Variants in PTPRT observed in about 807,000 individuals in gnomAD.
The protein encoded by PTPRT is protein tyrosine phosphatase receptor type T, also known as receptor-type tyrosine-protein phosphatase T.
Under a neutral mutation model 176.8 loss-of-function variants are expected in PTPRT, and 56 were observed. That is an observed-to-expected ratio of 0.32 (90% CI 0.26 to 0.40). The LOEUF is 0.40. Among genes scored for constraint, PTPRT ranks in the 10% least tolerant of loss-of-function variants. The pLI is 1.00. For synonymous variants in PTPRT, 783 were observed against 739.0 expected (o/e 1.06, Z -0.96); for missense variants, 1,540 against 1,908.2 (o/e 0.81, Z 3.60).
chr20:43,063,089 G>T (rs951163804), intron 1 of PTPRT, among the ~76,000 whole-genome samples: 1 of 152,034 alleles, frequency 6.6e-6, no homozygotes, highest in African/African-American at 2.4e-5. Context: ...CAAAGCTCAA[G>T]CAAAGGTGAA....
chr20:42,709,136 C>T (rs746947430), intron 6 of PTPRT, among the ~76,000 whole-genome samples: 19 of 152,218 alleles, frequency 1.2e-4, no homozygotes, highest in South Asian at 2.1e-4. Context: ...TAAGGTCCTT[C>T]GGGACAGAAA....
intron 2 of PTPRT, among the ~76,000 whole-genome samples, chr20:42,865,037 C>T (rs1317953034): frequency 2.6e-5 from 4 of 152,206 alleles, no homozygotes; most frequent in Non-Finnish European, 5.9e-5. Context: ...GCCTGCCAGG[C>T]CCCATCTGCT....
chr20:42,885,746 C>A, intron 2 of PTPRT, 61 bp downstream of exon 2: 2 of 1,560,052 alleles, frequency 1.3e-6, no homozygotes, highest in South Asian at 1.1e-5. Context: ...TTCTTCCCCC[C>A]ATGATTCACG....
At chr20:42,258,109 C>T (rs772566065) in intron 13 of PTPRT, among the ~76,000 whole-genome samples, 3 of 152,094 alleles carry the variant, frequency 2.0e-5, no homozygotes, top group African/African-American at 4.8e-5. Context: ...GAAGCAGACA[C>T]GTATTTAGAT....
At chr20:42,750,667 T>C (rs935258963) in intron 6 of PTPRT, among the ~76,000 whole-genome samples, 1 of 152,174 alleles carries the variant, frequency 6.6e-6, no homozygotes, top group African/African-American at 2.4e-5. Flanking sequence ...GGTTGTTAAA[T>C]GGAGTTGAAA....
intron 30 of PTPRT, among the ~76,000 whole-genome samples, 173 bp downstream of exon 30, chr20:42,081,709 G>C (rs1983346453): frequency 6.6e-6 from 1 of 152,210 alleles, no homozygotes; most frequent in Admixed American, 6.5e-5. Context: ...GAAAAGTTGG[G>C]GAGGTTGGAA....
At chr20:42,969,724 T>G (rs558365848) in intron 1 of PTPRT, 1 of 152,322 alleles carries the variant, frequency 6.6e-6, no homozygotes, top group East Asian at 1.9e-4. Flanking sequence ...CATTGACTAA[T>G]AGTTTTTTCT....
At chr20:42,379,508 C>T (rs567107189) in intron 9 of PTPRT, among the ~76,000 whole-genome samples, 1 of 152,338 alleles carries the variant, frequency 6.6e-6, no homozygotes, top group African/African-American at 2.4e-5. Flanking sequence ...GCATGCTTCC[C>T]AGAGCCTCTC....
chr20:42,727,824 A>G (rs932164577), intron 6 of PTPRT, among the ~76,000 whole-genome samples: 4 of 152,136 alleles, frequency 2.6e-5, no homozygotes, highest in African/African-American at 4.8e-5. Flanking sequence ...TACAAGTCCA[A>G]CGTTCTTAGC....
At chr20:42,043,506 C>G in the PTPRT span, among the ~76,000 whole-genome samples, 2 of 152,168 alleles carry the variant, frequency 1.3e-5, no homozygotes, top group Non-Finnish European at 2.9e-5. Flanking sequence ...GGTGAGTTCT[C>G]CGGTTCTCAC....
At chr20:42,284,926 T>C (rs1353444312) in intron 12 of PTPRT, among the ~76,000 whole-genome samples, 1 of 123,986 alleles carries the variant, frequency 8.1e-6, no homozygotes, top group Non-Finnish European at 1.8e-5. Context: ...TACATTTCAA[T>C]AACAAAGTTT....
In PTPRT at chr20:43,092,359, T is replaced by C. The variant is rs556398245; in HGVS notation, c.88+97287A>G. Among the ~76,000 whole-genome samples the C allele has an allele frequency of 1.1e-4, 17 of 152,350 alleles. No individual in the cohort carries two copies. The East Asian group carries it at 3.1e-3, about 28-fold the overall frequency. On this transcript the variant is annotated intron_variant, in intron 1 of 30. Coordinates refer to ENST00000373187, the MANE Select transcript of PTPRT (RefSeq NM_007050.6). ...TTTCCAGATGTCCATTACATCAGAA[T>C]GTCTGTGCAGGAGGCTTCCCAAATG...
At chr20:42,619,314 T>C (rs1227254969) in intron 7 of PTPRT, among the ~76,000 whole-genome samples, 6 of 133,762 alleles carry the variant, frequency 4.5e-5, no homozygotes, top group Admixed American at 1.4e-4. Flanking sequence ...AGATCCGCTG[T>C]TAGTCTGATG....
intron 2 of PTPRT, among the ~76,000 whole-genome samples, chr20:42,845,153 T>C (rs1358772120): frequency 3.3e-5 from 5 of 152,172 alleles, no homozygotes; most frequent in Non-Finnish European, 5.9e-5. Flanking sequence ...AGTGTGTGAA[T>C]GTACTCAGGA....
intron 9 of PTPRT, among the ~76,000 whole-genome samples, chr20:42,414,205 T>C (rs2059044004): frequency 6.6e-6 from 1 of 152,198 alleles, no homozygotes; most frequent in South Asian, 2.1e-4. Flanking sequence ...TCAGTAGATA[T>C]TGACAAGGGT....
the PTPRT span, among the ~76,000 whole-genome samples, chr20:42,045,530 G>C: frequency 1.3e-5 from 2 of 151,674 alleles, no homozygotes; most frequent in Non-Finnish European, 2.9e-5. Context: ...GAGGCTTCAG[G>C]TTGGTCTAGG....
chr20:42,693,223 A>T (rs78664094), intron 6 of PTPRT, among the ~76,000 whole-genome samples: 12,395 of 152,234 alleles, frequency 0.081, 568 homozygotes, highest in South Asian at 0.16. Flanking sequence ...TAAAGATCCA[A>T]ATAAATGGAG....
intron 8 of PTPRT, among the ~76,000 whole-genome samples, chr20:42,449,117 A>G (rs2070782601): frequency 6.6e-6 from 1 of 152,188 alleles, no homozygotes; most frequent in Non-Finnish European, 1.5e-5. Flanking sequence ...CCTGAATCCA[A>G]CATGAACTAT....
chr20:43,131,967 A>T (rs1009944825), intron 1 of PTPRT, among the ~76,000 whole-genome samples: 6 of 152,138 alleles, frequency 3.9e-5, no homozygotes, highest in African/African-American at 1.4e-4. Flanking sequence ...AAAAAAACAC[A>T]TCTTGATAAA....
Sources: allele counts gnomAD v4.1 joint callset (sites outside exome capture counted in the v4.1 genomes callset), GRCh38; gene constraint gnomAD v4.1.1; transcripts MANE v1.5; gene names NCBI Gene and HGNC (gene_info 2026-07-23, HGNC 2026-07-21).